TUBE1: variants seen among roughly 807,000 people sequenced by gnomAD.
TUBE1 encodes tubulin epsilon chain.
TUBE1 carries 34 observed loss-of-function variants against 53.5 expected under a neutral mutation model. The observed-to-expected ratio is 0.64, with a 90% CI of 0.48 to 0.85. The LOEUF is 0.85. Among genes scored for constraint, TUBE1 ranks in the 40% least tolerant of loss-of-function variants. The pLI is 0.00. For missense variants in TUBE1, 532 were observed against 570.5 expected, an observed-to-expected ratio of 0.93 and a Z score of 0.69; for synonymous variants, 177 against 198.4, an observed-to-expected ratio of 0.89 and a Z score of 0.91.
intron 10 of TUBE1, 80 bp from the exon 11 acceptor site, chr6:112,072,156 G>A: frequency 1.9e-6 from 2 of 1,076,648 alleles, no homozygotes; most frequent in Non-Finnish European, 2.7e-6. Flanking sequence ...GCTCATATTA[G>A]TTAAACCAGA....
intron 6 of TUBE1, chr6:112,078,299 T>C (rs1777007464): frequency 6.6e-6 from 1 of 152,064 alleles, no homozygotes; most frequent in Non-Finnish European, 1.5e-5. Flanking sequence ...CTTTCACTGA[T>C]GATTGGATGT....
intron 9 of TUBE1, 39 bp downstream of exon 9, chr6:112,074,671 T>C: frequency 7.1e-7 from 1 of 1,398,954 alleles, no homozygotes; most frequent in Non-Finnish European, 9.4e-7. Flanking sequence ...TTTAAAGTAA[T>C]TTGAGGCCTC....
chr6:112,071,894 A>G lies in TUBE1; in HGVS notation c.1269+8T>C, dbSNP rs1554315382. ...ACACATACAGTTACAAAGCTGTACA[A>G]TAATTACCTTTTTCTTGTAGAGCCT... On this transcript the variant is annotated splice_region_variant and intron_variant, in intron 11 of 11. Transcript: ENST00000368662. 1.3e-6 allele frequency: 2 copies of G among 1,592,600 alleles called. No individual in the cohort carries two copies. The highest frequency in any genetic ancestry group is 2.2e-5 in the East Asian group (1 of 44,780).
Position 112,084,244 on chromosome 6 carries a change from A to G in TUBE1, c.155T>C (p.Val52Ala). 6.2e-7 allele frequency: 1 copy of G among 1,612,560 alleles called. No homozygotes were observed. Residue 52 changes from valine (V) to alanine (A), a missense_variant and splice_region_variant, in exon 4 of 12, where the codon GTG (valine) becomes GCG (alanine). By Grantham distance (64) the Val-to-Ala change is moderately conservative. Coordinates refer to ENST00000368662, the MANE Select transcript of TUBE1 (RefSeq NM_016262.5). ...GGAAATACTTCCACCATCACCAACC[A>G]CTCTGAAAGATAAAAAAATGAGAAA... Reference protein sequence around the residue: ...SSFFRNVDTRVVGDGGSISKG... With the variant: ...SSFFRNVDTRAVGDGGSISKG...
intron 3 of TUBE1, chr6:112,085,507 A>T: frequency 2.7e-6 from 1 of 366,212 alleles, no homozygotes; most frequent in Non-Finnish European, 5.4e-6. Flanking sequence ...GTAGGAACTT[A>T]GCAAGAGAAG....
At chr6:112,079,876 T>A (rs1160734456) in intron 5 of TUBE1, 122 bp from the exon 6 acceptor site, 3 of 907,642 alleles carry the variant, frequency 3.3e-6, no homozygotes, top group Non-Finnish European at 4.9e-6. Flanking sequence ...CTAAGTAAAG[T>A]CTATTCTTGT....
rs1583600725 is a variant in TUBE1 at position 112,086,981 on chromosome 6, G to T, written c.99+252C>A. ...TACTTTCCCATATACAAATCTCACT[G>T]TTCTGCACACGAACACCAATAAAGA... On this transcript the variant is annotated intron_variant, in intron 2 of 11. Coordinates refer to ENST00000368662, the MANE Select transcript of TUBE1 (RefSeq NM_016262.5). 9 of 551,750 alleles carry T rather than the reference G, an allele frequency of 1.6e-5. No homozygotes were observed. The East Asian group carries it at 2.7e-4, about 16-fold the overall frequency. 34.2% of individuals were successfully genotyped at this position (551,750 alleles called of 1,614,324 possible). A position where few individuals can be genotyped will look rare whatever the true frequency, so the allele number is the denominator to read the frequency against.
At chr6:112,087,031 C>T (rs1407768149) in intron 2 of TUBE1, 5 of 579,858 alleles carry the variant, frequency 8.6e-6, no homozygotes, top group South Asian at 2.3e-5. Context: ...TCAGGAAAAA[C>T]GTTAAGACTA....
intron 9 of TUBE1, 125 bp from the exon 10 acceptor site, chr6:112,073,023 T>A: frequency 3.5e-6 from 2 of 564,050 alleles, no homozygotes; most frequent in Non-Finnish European, 5.4e-6. Context: ...AAATATTAGA[T>A]TATATATATT....
At chr6:112,080,993 GC>G (rs1554316690) in intron 5 of TUBE1, 98 bp downstream of exon 5, 1 of 735,348 alleles carries the variant, frequency 1.4e-6, no homozygotes, top group East Asian at 2.8e-5. Context: ...GCATTATGTG[GC>G]AAATTACATC....
chr6:112,073,690 A>G (rs1193769601), intron 9 of TUBE1, among the ~76,000 whole-genome samples: 1 of 152,224 alleles, frequency 6.6e-6, no homozygotes, highest in Non-Finnish European at 1.5e-5. Context: ...CACTTGTGAC[A>G]TTCCTGAAGT....
intron 8 of TUBE1, 85 bp downstream of exon 8, chr6:112,075,852 G>T: frequency 7.9e-7 from 1 of 1,260,228 alleles, no homozygotes; most frequent in Non-Finnish European, 1.1e-6. Context: ...CTACAATTTA[G>T]AATAACTAAA....
intron 4 of TUBE1, among the ~76,000 whole-genome samples, chr6:112,083,320 A>ATTT (rs587770144): frequency 7.6e-5 from 10 of 131,478 alleles, no homozygotes; most frequent in African/African-American, 2.3e-4. Flanking sequence ...CTTCCATAAC[A>ATTT]TTTTTTTTTT....
At chr6:112,085,478 A>T (rs1227082449) in intron 3 of TUBE1, 4 of 336,652 alleles carry the variant, frequency 1.2e-5, no homozygotes, top group Non-Finnish European at 2.3e-5. Flanking sequence ...GTTGGGTAAC[A>T]AGAAGTAAAG....
intron 5 of TUBE1, among the ~76,000 whole-genome samples, chr6:112,080,107 C>CTG (rs1309975812): frequency 2.6e-5 from 4 of 151,848 alleles, no homozygotes; most frequent in Non-Finnish European, 5.9e-5. Context: ...AAGGCAAACT[C>CTG]TGAATTGTAG....
At chr6:112,085,702 A>C in intron 3 of TUBE1, 1 of 471,754 alleles carries the variant, frequency 2.1e-6, no homozygotes, top group Non-Finnish European at 4.4e-6. Flanking sequence ...CATGGTCACC[A>C]AGCAACCTTC....
intron 9 of TUBE1, among the ~76,000 whole-genome samples, chr6:112,073,340 T>A (rs1392163084): frequency 7.2e-5 from 11 of 152,158 alleles, no homozygotes; most frequent in Non-Finnish European, 1.6e-4. Context: ...ATAAATTTTG[T>A]TAACAGGAGG....
intron 9 of TUBE1, among the ~76,000 whole-genome samples, 163 bp from the exon 10 acceptor site, chr6:112,073,061 C>A (rs1346595461): frequency 6.6e-6 from 1 of 151,888 alleles, no homozygotes; most frequent in Non-Finnish European, 1.5e-5. Context: ...CTATACTTTT[C>A]TTGAAGCAAT....
In TUBE1 at chr6:112,071,888, T is replaced by C. The variant is rs201034590; in HGVS notation, c.1269+14A>G. The stretch of plus-strand genomic sequence containing the variant: ...AAATAAACACATACAGTTACAAAGC[T>C]GTACAATAATTACCTTTTTCTTGTA... On this transcript the variant is annotated intron_variant, in intron 11 of 11. Transcript: ENST00000368662. 2.2e-4 allele frequency: 343 copies of C among 1,585,680 alleles called. No homozygotes were observed. In the African/African-American group the frequency reaches 3.3e-3, roughly 15 times the overall value.
Sources: allele counts gnomAD v4.1 joint callset (sites outside exome capture counted in the v4.1 genomes callset), GRCh38; gene constraint gnomAD v4.1.1; transcripts MANE v1.5; gene names NCBI Gene and HGNC (gene_info 2026-07-23, HGNC 2026-07-21).